SCML4: variants seen among roughly 807,000 people sequenced by gnomAD.
The protein encoded by SCML4 is Scm polycomb group protein like 4, also known as sex comb on midleg-like protein 4.
In SCML4, 34 loss-of-function variants were observed where a neutral mutation model predicts 41.1. The ratio of observed to expected loss-of-function variants is 0.83; its 90% CI spans 0.63 to 1.10. The LOEUF is 1.10. Ranked by LOEUF, SCML4 falls within the 50% of genes least tolerant of loss-of-function variation. SCML4 has a pLI of 0.00. For missense variants in SCML4, 522 were observed against 534.1 expected (o/e 0.98, Z 0.22); for synonymous variants, 214 against 220.9 (o/e 0.97, Z 0.28).
chr6:107,813,358 A>G (rs980201094), intron 1 of SCML4, among the ~76,000 whole-genome samples: 1 of 119,438 alleles, frequency 8.4e-6, no homozygotes, highest in Non-Finnish European at 1.6e-5. Flanking sequence ...GTGAGACGCC[A>G]TCTCAAAAAA....
At chr6:107,763,712 G>T (rs1173345051) in intron 2 of SCML4, among the ~76,000 whole-genome samples, 1 of 152,192 alleles carries the variant, frequency 6.6e-6, no homozygotes. Flanking sequence ...AAAAGAAGAG[G>T]AAGAGAGGCC....
At chr6:107,733,358 G>C (rs1439482085) in intron 5 of SCML4, among the ~76,000 whole-genome samples, 2 of 152,216 alleles carry the variant, frequency 1.3e-5, no homozygotes, top group Admixed American at 6.5e-5. Flanking sequence ...CTGGTACAGA[G>C]TATCTGCCCA....
chr6:107,767,167 A>G (rs1446445092), intron 2 of SCML4, among the ~76,000 whole-genome samples: 1 of 152,056 alleles, frequency 6.6e-6, no homozygotes, highest in Non-Finnish European at 1.5e-5. Flanking sequence ...CATGTTGTCC[A>G]GGGTGGTCTC....
intron 3 of SCML4, 128 bp from the exon 4 acceptor site, chr6:107,747,017 C>G: frequency 1.4e-6 from 1 of 703,904 alleles, no homozygotes; most frequent in East Asian, 2.8e-5. Flanking sequence ...CTGGCAAGGG[C>G]AAAAGTGGGG....
the SCML4 span, among the ~76,000 whole-genome samples, chr6:107,831,780 G>A: frequency 1.3e-4 from 20 of 152,218 alleles, no homozygotes; most frequent in South Asian, 2.1e-4. Context: ...TAGTCCAGGC[G>A]AGGTGGCTCA....
At chr6:107,820,032 T>C (rs757666869) in intron 1 of SCML4, among the ~76,000 whole-genome samples, 3 of 152,230 alleles carry the variant, frequency 2.0e-5, no homozygotes, top group Non-Finnish European at 2.9e-5. Context: ...CTTCTCCTGA[T>C]TGCTAAGTGC....
intron 2 of SCML4, among the ~76,000 whole-genome samples, chr6:107,754,428 T>G (rs1247481711): frequency 6.6e-6 from 1 of 152,194 alleles, no homozygotes; most frequent in Non-Finnish European, 1.5e-5. Flanking sequence ...CCATGCCTAT[T>G]TATGGAGGCC....
intron 1 of SCML4, among the ~76,000 whole-genome samples, chr6:107,818,711 A>G (rs1784731081): frequency 1.3e-5 from 2 of 152,266 alleles, no homozygotes; most frequent in Non-Finnish European, 2.9e-5. Context: ...ATGCCCTGGA[A>G]TAGGCTTTCG....
chr6:107,724,916 C>G (rs962294494), intron 5 of SCML4, among the ~76,000 whole-genome samples: 3 of 152,144 alleles, frequency 2.0e-5, no homozygotes, highest in Admixed American at 6.5e-5. Flanking sequence ...GGGAGGTCAT[C>G]ATGTTAAATG....
chr6:107,734,032 AG>A (rs1776815758), intron 5 of SCML4, among the ~76,000 whole-genome samples: 1 of 152,208 alleles, frequency 6.6e-6, no homozygotes, highest in African/African-American at 2.4e-5. Flanking sequence ...GGAGATTTCC[AG>A]TAGATTTTGT....
At chr6:107,721,500 G>A (rs1775409656) in intron 5 of SCML4, among the ~76,000 whole-genome samples, 1 of 150,182 alleles carries the variant, frequency 6.7e-6, no homozygotes, top group Non-Finnish European at 1.5e-5. Flanking sequence ...GGGAGGCAGA[G>A]GTTGCAGAGC....
the SCML4 span, among the ~76,000 whole-genome samples, chr6:107,843,311 AG>A: frequency 2.6e-5 from 4 of 152,178 alleles, no homozygotes; most frequent in East Asian, 1.9e-4. Context: ...CAGGGAAAAA[AG>A]GCATATTATA....
intron 2 of SCML4, among the ~76,000 whole-genome samples, chr6:107,754,612 A>G (rs145360794): frequency 1.3e-5 from 2 of 152,366 alleles, no homozygotes; most frequent in East Asian, 3.9e-4. Flanking sequence ...CAACACAGAG[A>G]TAATAATGCT....
chr6:107,736,427 G>A (rs1322427973), intron 5 of SCML4, among the ~76,000 whole-genome samples: 1 of 152,150 alleles, frequency 6.6e-6, no homozygotes, highest in Non-Finnish European at 1.5e-5. Context: ...CTTGGAATAA[G>A]GAAAAACTTG....
At chr6:107,843,118 T>C in the SCML4 span, among the ~76,000 whole-genome samples, 64 of 152,164 alleles carry the variant, frequency 4.2e-4, 1 homozygote, top group Admixed American at 3.0e-3. Flanking sequence ...AGAAGAAATA[T>C]TGGGAGAACG....
chr6:107,806,188 C>CG lies in SCML4; in HGVS notation c.-60+17937_-60+17938insC, dbSNP rs935267813. 3.1e-3 allele frequency among the ~76,000 whole-genome samples: 23 copies of CG among 7,404 alleles called. No homozygotes were observed. The East Asian group carries it at 0.091, about 29-fold the overall frequency. The allele number at this position is 7,404 out of a possible 152,430, so 4.9% of individuals were successfully genotyped here. A position where few individuals can be genotyped will look rare whatever the true frequency, so the allele number is the denominator to read the frequency against. ...CAAGGACAATCAAAACAGAGATTTC[C>CG]CCCCCCCCAATAAACAATGAGCAAG... On this transcript the variant is annotated intron_variant, in intron 1 of 7. Coordinates refer to ENST00000369020, the MANE Select transcript of SCML4 (RefSeq NM_198081.5).
intron 1 of SCML4, among the ~76,000 whole-genome samples, chr6:107,803,333 G>A (rs1410134836): frequency 6.6e-6 from 1 of 151,808 alleles, no homozygotes; most frequent in Non-Finnish European, 1.5e-5. Flanking sequence ...TGTCTGGGAA[G>A]TGAGGAGCGT....
the SCML4 span, among the ~76,000 whole-genome samples, chr6:107,844,340 T>G: frequency 6.6e-6 from 1 of 152,194 alleles, no homozygotes; most frequent in Non-Finnish European, 1.5e-5. Context: ...CAATCTCTTT[T>G]TACCTTAAAT....
intron 2 of SCML4, among the ~76,000 whole-genome samples, chr6:107,762,507 C>A (rs533536392): frequency 6.6e-6 from 1 of 152,270 alleles, no homozygotes; most frequent in South Asian, 2.1e-4. Context: ...GTGAATGTGA[C>A]CTTATTTGAA....
Sources: allele counts gnomAD v4.1 joint callset (sites outside exome capture counted in the v4.1 genomes callset), GRCh38; gene constraint gnomAD v4.1.1; transcripts MANE v1.5; gene names NCBI Gene and HGNC (gene_info 2026-07-23, HGNC 2026-07-21).